Variants in SHISA9 observed in about 807,000 individuals in gnomAD.
SHISA9 encodes shisa family member 9.
In SHISA9, 13 loss-of-function variants were observed where a neutral mutation model predicts 38.0. The observed-to-expected ratio is 0.34, with a 90% confidence interval of 0.22 to 0.54. The LOEUF is 0.54. SHISA9 is among the 20% of genes least tolerant of loss of function. The pLI, the probability that SHISA9 is intolerant of heterozygous loss-of-function variation, is 0.91. For synonymous variants in SHISA9, 275 were observed against 242.0 expected (o/e 1.14, Z -1.27); for missense variants, 538 against 575.8 (o/e 0.93, Z 0.67).
chr16:13,089,529 G>C (rs1402802121), intron 2 of SHISA9, among the ~76,000 whole-genome samples: 1 of 152,108 alleles, frequency 6.6e-6, no homozygotes, highest in Non-Finnish European at 1.5e-5. Flanking sequence ...TTTAGTCTTG[G>C]GAGAGTGTAT....
chr16:13,428,123 G>A, the SHISA9 span, among the ~76,000 whole-genome samples: 1 of 152,202 alleles, frequency 6.6e-6, no homozygotes, highest in Admixed American at 6.5e-5. Context: ...AAGCCAATAA[G>A]AAGATGCAAA....
In SHISA9 at chr16:13,238,734, G is replaced by A. The variant is rs1040258662; in HGVS notation, c.*3325G>A. On this transcript the variant is annotated 3_prime_UTR_variant, in exon 5 of 5. Transcript: ENST00000558583. ...TTCATAGTTTATTATCTTCCAGTTG[G>A]TTTTGGGAGATGAACTGAAGAGGGA... The A allele has an allele frequency of 6.6e-6, 1 of 151,568 alleles. No homozygotes were observed. The highest frequency in any genetic ancestry group is 1.5e-5 in the Non-Finnish European group (1 of 67,956). 9.4% of individuals were successfully genotyped at this position (151,568 alleles called of 1,614,324 possible). A position where few individuals can be genotyped will look rare whatever the true frequency, so the allele number is the denominator to read the frequency against.
At chr16:12,963,282 G>A (rs1294899678) in intron 2 of SHISA9, among the ~76,000 whole-genome samples, 1 of 152,226 alleles carries the variant, frequency 6.6e-6, no homozygotes. Flanking sequence ...CCCAGTATTG[G>A]GGGTGGAAGG....
At chr16:13,542,434 T>TGTATA in the SHISA9 span, among the ~76,000 whole-genome samples, 2,292 of 152,226 alleles carry the variant, frequency 0.015, 56 homozygotes, top group African/African-American at 0.053. Flanking sequence ...TCGTGTTCAT[T>TGTATA]GTATAGGTGA....
chr16:13,371,684 C>G, the SHISA9 span, among the ~76,000 whole-genome samples: 4 of 152,248 alleles, frequency 2.6e-5, no homozygotes, highest in African/African-American at 7.2e-5. Flanking sequence ...CACCTGACAT[C>G]TGAATACTTA....
intron 4 of SHISA9, among the ~76,000 whole-genome samples, chr16:13,222,534 G>A (rs1381191091): frequency 2.0e-5 from 3 of 152,120 alleles, no homozygotes; most frequent in East Asian, 3.9e-4. Flanking sequence ...TATTTCACTG[G>A]TGCGATATCA....
intron 2 of SHISA9, among the ~76,000 whole-genome samples, chr16:13,152,342 C>G (rs967325484): frequency 6.6e-6 from 1 of 152,074 alleles, no homozygotes; most frequent in Non-Finnish European, 1.5e-5. Flanking sequence ...GTTTATCTCT[C>G]TGTGTCTTTA....
chr16:13,403,647 C>T, the SHISA9 span, among the ~76,000 whole-genome samples: 1 of 152,194 alleles, frequency 6.6e-6, no homozygotes, highest in Non-Finnish European at 1.5e-5. Context: ...AGTCATCACA[C>T]TTATGCCTCC....
rs1202910945 is a variant in SHISA9, at chr16:12,970,492, TATATA to T, written c.691+53678_691+53682del. The stretch of plus-strand genomic sequence containing the variant: ...GTGTATATATATATATATATATATA[TATATA>T]TTTTTTTTTTTTTTTTTTTTTTTTT... On this transcript the variant is annotated intron_variant, in intron 2 of 4. Transcript: ENST00000558583. 7.3e-3 allele frequency among the ~76,000 whole-genome samples: 216 copies of T among 29,726 alleles called. 11 individuals carry two copies. The highest frequency in any genetic ancestry group is 0.011 in the Non-Finnish European group (178 of 15,850). 19.5% of individuals were successfully genotyped at this position (29,726 alleles called of 152,430 possible). A position where few individuals can be genotyped will look rare whatever the true frequency, so the allele number is the denominator to read the frequency against.
intron 2 of SHISA9, among the ~76,000 whole-genome samples, chr16:12,968,702 G>C (rs1224782870): frequency 3.3e-5 from 5 of 152,174 alleles, no homozygotes; most frequent in African/African-American, 1.2e-4. Context: ...TCTGGAAAAG[G>C]TCATCTGCAA....
At chr16:13,327,184 C>A in the SHISA9 span, among the ~76,000 whole-genome samples, 1 of 152,152 alleles carries the variant, frequency 6.6e-6, no homozygotes, top group African/African-American at 2.4e-5. Context: ...GTCCTACCAG[C>A]CTTTCTCCCT....
At chr16:13,507,184 A>C in the SHISA9 span, among the ~76,000 whole-genome samples, 1 of 151,798 alleles carries the variant, frequency 6.6e-6, no homozygotes, top group African/African-American at 2.4e-5. Flanking sequence ...CATAATAATA[A>C]TATTTTTTAT....
At chr16:13,449,994 G>A in the SHISA9 span, among the ~76,000 whole-genome samples, 1 of 152,150 alleles carries the variant, frequency 6.6e-6, no homozygotes, top group African/African-American at 2.4e-5. Context: ...GCACACACCT[G>A]TAGTCCCAGC....
At chr16:13,295,142 CA>C in the SHISA9 span, among the ~76,000 whole-genome samples, 1 of 152,108 alleles carries the variant, frequency 6.6e-6, no homozygotes, top group Non-Finnish European at 1.5e-5. Context: ...ACTACATCAC[CA>C]AATTTTTTTT....
At chr16:13,418,638 C>T in the SHISA9 span, among the ~76,000 whole-genome samples, 5 of 152,264 alleles carry the variant, frequency 3.3e-5, no homozygotes, top group South Asian at 2.1e-4. Flanking sequence ...TGCTGGAGCT[C>T]TGATGATGTG....
chr16:13,160,398 C>T (rs2050584912), intron 2 of SHISA9, among the ~76,000 whole-genome samples: 1 of 152,180 alleles, frequency 6.6e-6, no homozygotes, highest in Non-Finnish European at 1.5e-5. Context: ...ATATTCTATT[C>T]ACCCAAGAGG....
chr16:12,929,375 A>T (rs2071434239), intron 2 of SHISA9, among the ~76,000 whole-genome samples: 1 of 152,218 alleles, frequency 6.6e-6, no homozygotes, highest in Non-Finnish European at 1.5e-5. Context: ...AATAGTAAAG[A>T]CTTGGAATCA....
the SHISA9 span, among the ~76,000 whole-genome samples, chr16:13,353,937 C>T: frequency 1.3e-5 from 2 of 151,984 alleles, no homozygotes; most frequent in African/African-American, 4.8e-5. Flanking sequence ...GAAGGCTAAA[C>T]TGAGGAATTA....
intron 2 of SHISA9, among the ~76,000 whole-genome samples, chr16:13,028,744 T>C (rs1284885427): frequency 6.6e-6 from 1 of 152,176 alleles, no homozygotes; most frequent in Non-Finnish European, 1.5e-5. Context: ...AGCTTCTTCC[T>C]ATAGATAAAT....
Sources: gnomAD v4.1 joint callset for allele counts (sites outside exome capture counted in the v4.1 genomes callset) on GRCh38, gnomAD v4.1.1 for gene constraint, MANE v1.5 for transcripts, NCBI Gene and HGNC (gene_info 2026-07-23, HGNC 2026-07-21) for gene names.